ANKRD13C: variants seen among roughly 807,000 people sequenced by gnomAD.
The protein encoded by ANKRD13C is ankyrin repeat domain-containing protein 13C.
In ANKRD13C, 16 loss-of-function variants were observed where a neutral mutation model predicts 65.5. The ratio of observed to expected loss-of-function variants is 0.24; its 90% confidence interval spans 0.17 to 0.37. The LOEUF (loss-of-function observed/expected upper bound fraction) is 0.37, where lower values mean the gene tolerates loss of function less well. Ranked by LOEUF, ANKRD13C falls within the 10% of genes least tolerant of loss-of-function variation. The probability of loss-of-function intolerance (pLI) is 1.00; values close to 1 mark genes in which losing one functional copy is unlikely to be tolerated. For synonymous variants in ANKRD13C, 235 were observed against 238.7 expected, an observed-to-expected ratio of 0.98 and a Z score of 0.14; for missense variants, 503 against 655.9, an observed-to-expected ratio of 0.77 and a Z score of 2.55.
In ANKRD13C at chr1:70,340,807, G is replaced by C. The variant is rs1682274522; in HGVS notation, c.431-4708C>G. On this transcript the variant is annotated intron_variant, in intron 1 of 12. Transcript: ENST00000370944. Reference sequence around the variant, plus strand: ...GACATGCACCTTTTTCTCAGATAATGTTTTCTGTTTTAAAACCTATTGGGG... The same window carrying C: ...GACATGCACCTTTTTCTCAGATAATCTTTTCTGTTTTAAAACCTATTGGGG... 2.6e-5 allele frequency among the ~76,000 whole-genome samples: 4 copies of C among 152,066 alleles called. No homozygotes were observed. In the South Asian group the frequency reaches 8.3e-4, roughly 32 times the overall value.
intron 12 of ANKRD13C, 133 bp downstream of exon 12, chr1:70,270,723 C>T (rs1337189676): frequency 3.3e-6 from 2 of 612,620 alleles, no homozygotes; most frequent in African/African-American, 3.7e-5. Context: ...TGCTGTGCAC[C>T]CCACTCCTAA....
intron 1 of ANKRD13C, among the ~76,000 whole-genome samples, chr1:70,346,962 G>A (rs540460066): frequency 6.6e-6 from 1 of 151,934 alleles, no homozygotes; most frequent in East Asian, 1.9e-4. Flanking sequence ...CGTGGTGGCG[G>A]GCGCCTGTAG....
chr1:70,293,162 AGT>A (rs1179730153), intron 8 of ANKRD13C, among the ~76,000 whole-genome samples: 2 of 152,206 alleles, frequency 1.3e-5, no homozygotes, highest in Non-Finnish European at 2.9e-5. Flanking sequence ...GGGAAACTCA[AGT>A]GGTGTAAAGG....
At chr1:70,344,295 CAAA>C (rs1169730172) in intron 1 of ANKRD13C, among the ~76,000 whole-genome samples, 7 of 85,630 alleles carry the variant, frequency 8.2e-5, no homozygotes, top group East Asian at 3.3e-4. Context: ...GATTCCATCT[CAAA>C]AAAAAAAAAA....
At chr1:70,342,443 C>G (rs558185039) in intron 1 of ANKRD13C, among the ~76,000 whole-genome samples, 1 of 152,196 alleles carries the variant, frequency 6.6e-6, no homozygotes, top group East Asian at 1.9e-4. Context: ...GAGGCTGAGG[C>G]AGGAGAATCG....
At chr1:70,300,574 C>A (rs1053529868) in intron 7 of ANKRD13C, among the ~76,000 whole-genome samples, 190 bp downstream of exon 7, 3 of 151,460 alleles carry the variant, frequency 2.0e-5, no homozygotes, top group Non-Finnish European at 4.4e-5. Context: ...GGTGACAGAG[C>A]GAGACTCCAG....
chr1:70,320,643 G>A (rs986031707), intron 3 of ANKRD13C, among the ~76,000 whole-genome samples: 1 of 151,566 alleles, frequency 6.6e-6, no homozygotes, highest in Non-Finnish European at 1.5e-5. Flanking sequence ...CCCAACAGTG[G>A]TTATCTTTGA....
intron 1 of ANKRD13C, among the ~76,000 whole-genome samples, chr1:70,336,600 T>C (rs1162375420): frequency 1.3e-5 from 2 of 152,186 alleles, no homozygotes; most frequent in Non-Finnish European, 2.9e-5. Flanking sequence ...GAGTTAAATA[T>C]TGAAGAATGG....
intron 1 of ANKRD13C, among the ~76,000 whole-genome samples, chr1:70,337,099 T>C (rs368977150): frequency 1.3e-5 from 2 of 151,770 alleles, no homozygotes; most frequent in African/African-American, 4.8e-5. Context: ...GAGATGTGCA[T>C]GTGATAAATT....
At chr1:70,266,586 G>A (rs150795330) in intron 12 of ANKRD13C, among the ~76,000 whole-genome samples, 29 of 152,214 alleles carry the variant, frequency 1.9e-4, no homozygotes, top group Non-Finnish European at 2.5e-4. Context: ...GCTGGGAGTT[G>A]TCTCTCAGCA....
rs928314220 is a variant in ANKRD13C at position 70,259,639 on chromosome 1, TACAA to T, written c.*3074_*3077del. Among the ~76,000 whole-genome samples, 1 of 152,208 alleles carries T rather than the reference TACAA, an allele frequency of 6.6e-6. No homozygotes were observed. On this transcript the variant is annotated 3_prime_UTR_variant, in exon 13 of 13. Coordinates refer to ENST00000370944, the MANE Select transcript of ANKRD13C (RefSeq NM_030816.5). ...GAGTAGTTTTGGCTAATTTATAGTA[TACAA>T]ACAATCATGGGCTTTTACCAAGCTT...
intron 1 of ANKRD13C, among the ~76,000 whole-genome samples, chr1:70,341,970 G>C (rs12121995): frequency 0.071 from 10,781 of 151,930 alleles, 487 homozygotes; most frequent in South Asian, 0.2. Context: ...AGAGACAGAA[G>C]TAGACTGGTT....
At chr1:70,343,860 A>G (rs2101620942) in intron 1 of ANKRD13C, among the ~76,000 whole-genome samples, 1 of 152,296 alleles carries the variant, frequency 6.6e-6, no homozygotes, top group South Asian at 2.1e-4. Context: ...AAAATATGCA[A>G]AAAACACTGG....
rs1484741387 is a variant in ANKRD13C, at chr1:70,291,098, T to A, written c.1215+1290A>T. The stretch of plus-strand genomic sequence containing the variant: ...CCCAGGATGTAGCACAATGGCGCAA[T>A]CTCAGCTCCACAACCTCCACCTCCC... On this transcript the variant is annotated intron_variant, in intron 9 of 12. Coordinates refer to ENST00000370944, the MANE Select transcript of ANKRD13C (RefSeq NM_030816.5). 2.0e-5 allele frequency among the ~76,000 whole-genome samples: 3 copies of A among 151,878 alleles called. No homozygotes were observed. In the South Asian group the frequency reaches 6.2e-4, roughly 32 times the overall value.
At chr1:70,300,571 G>A (rs1680306312) in intron 7 of ANKRD13C, among the ~76,000 whole-genome samples, 193 bp downstream of exon 7, 2 of 152,062 alleles carry the variant, frequency 1.3e-5, no homozygotes, top group Admixed American at 1.3e-4. Context: ...CTGGGTGACA[G>A]AGCGAGACTC....
chr1:70,269,941 A>C (rs1039618181), intron 12 of ANKRD13C, among the ~76,000 whole-genome samples: 1 of 152,218 alleles, frequency 6.6e-6, no homozygotes, highest in Non-Finnish European at 1.5e-5. Flanking sequence ...ATAGTGTTAA[A>C]GGAGCTCCTG....
intron 2 of ANKRD13C, 102 bp from the exon 3 acceptor site, chr1:70,325,059 GAAAT>G: frequency 1.3e-6 from 1 of 757,146 alleles, no homozygotes; most frequent in Non-Finnish European, 2.0e-6. Flanking sequence ...ATAAATAGAT[GAAAT>G]AAACATTGTA....
intron 2 of ANKRD13C, among the ~76,000 whole-genome samples, chr1:70,335,644 T>G (rs1681990823): frequency 1.3e-5 from 2 of 150,612 alleles, no homozygotes; most frequent in African/African-American, 4.8e-5. Context: ...AATAAACAAG[T>G]ATTAAGTTTT....
intron 3 of ANKRD13C, 73 bp from the exon 4 acceptor site, chr1:70,315,639 C>T (rs1681041303): frequency 8.6e-7 from 1 of 1,158,562 alleles, no homozygotes. Context: ...GCTTATTATA[C>T]ATATAGATAG....
Sources: allele counts gnomAD v4.1 joint callset (sites outside exome capture counted in the v4.1 genomes callset), GRCh38; gene constraint gnomAD v4.1.1; transcripts MANE v1.5; gene names NCBI Gene and HGNC (gene_info 2026-07-23, HGNC 2026-07-21).